EXOSC7: variants seen among roughly 807,000 people sequenced by gnomAD.
The protein encoded by EXOSC7 is exosome component 7, also known as exosome complex component RRP42.
A neutral mutation model predicts 34.3 loss-of-function variants in EXOSC7; 25 were observed. The ratio of observed to expected loss-of-function variants is 0.73; its 90% CI spans 0.53 to 1.02. The LOEUF is 1.02. Among genes scored for constraint, EXOSC7 ranks in the 50% least tolerant of loss-of-function variants. The pLI is 0.00. For synonymous variants in EXOSC7, 130 were observed against 143.0 expected (o/e 0.91, Z 0.65); for missense variants, 370 against 368.5 (o/e 1.00, Z -0.03).
chr3:45,008,298 A>C (rs961874953), intron 7 of EXOSC7, among the ~76,000 whole-genome samples: 26 of 152,192 alleles, frequency 1.7e-4, no homozygotes, highest in African/African-American at 6.3e-4. Context: ...GCAGGATCTG[A>C]TTATTCATAC....
intron 1 of EXOSC7, 78 bp downstream of exon 1, chr3:44,976,412 A>T (rs6441873): frequency 0.46 from 602,151 of 1,316,680 alleles, 141,393 homozygotes; most frequent in East Asian, 0.81. Flanking sequence ...TGGGTTTGCC[A>T]GTGAGGAGGC....
intron 6 of EXOSC7, among the ~76,000 whole-genome samples, chr3:45,006,404 G>GTTTTTT (rs545281987): frequency 4.2e-4 from 26 of 61,678 alleles, no homozygotes; most frequent in Admixed American, 5.1e-4. Flanking sequence ...TTGTTTATTT[G>GTTTTTT]TTTTTTTTTT....
At chr3:45,009,511 T>C (rs1707147594) in intron 7 of EXOSC7, among the ~76,000 whole-genome samples, 2 of 151,926 alleles carry the variant, frequency 1.3e-5, no homozygotes, top group Non-Finnish European at 2.9e-5. Context: ...GATTCAGACT[T>C]TTTTTTCTTT....
intron 5 of EXOSC7, 57 bp downstream of exon 5, chr3:45,001,665 T>C: frequency 1.6e-6 from 2 of 1,245,818 alleles, no homozygotes; most frequent in South Asian, 1.2e-5. Flanking sequence ...CAGACACTTG[T>C]AATGGAACAC....
At chr3:45,002,257 G>A (rs573433198) in intron 5 of EXOSC7, 6 of 152,298 alleles carry the variant, frequency 3.9e-5, no homozygotes, top group East Asian at 3.9e-4. Flanking sequence ...GAGTAAATAC[G>A]TGGGATAGGG....
At position 44,986,365 on chromosome 3, in the gene EXOSC7, C is replaced by T. The variant is rs1481068380; in HGVS notation, c.58-2775C>T. ...CTCACTGCCTGGGGCCAGCTGGCTG[C>T]TCCAGAGTATGGGGCCCGCCTAGCC... On this transcript the variant is annotated intron_variant, in intron 1 of 7. Coordinates refer to ENST00000265564, the MANE Select transcript of EXOSC7 (RefSeq NM_015004.4). Among the ~76,000 whole-genome samples, 3 of 152,344 alleles carry T rather than the reference C, an allele frequency of 2.0e-5. No homozygotes were observed. In the East Asian group the frequency reaches 5.8e-4, roughly 29 times the overall value.
At chr3:44,987,776 A>G (rs987418827) in intron 1 of EXOSC7, among the ~76,000 whole-genome samples, 6 of 152,260 alleles carry the variant, frequency 3.9e-5, no homozygotes, top group Non-Finnish European at 7.3e-5. Context: ...GAAACTGTGT[A>G]TACTAAGATT....
chr3:44,997,754 C>T (rs1706762010), intron 4 of EXOSC7, among the ~76,000 whole-genome samples: 1 of 152,220 alleles, frequency 6.6e-6, no homozygotes, highest in Non-Finnish European at 1.5e-5. Context: ...GTGAGTAGTG[C>T]TGTTGAGTCT....
chr3:45,001,329 G>A (rs1051840070), intron 4 of EXOSC7, among the ~76,000 whole-genome samples: 5 of 151,998 alleles, frequency 3.3e-5, no homozygotes, highest in Non-Finnish European at 7.4e-5. Flanking sequence ...TGTAATCCCA[G>A]CTATTCGGGA....
chr3:44,999,759 T>C (rs1706824102), intron 4 of EXOSC7, among the ~76,000 whole-genome samples: 1 of 152,232 alleles, frequency 6.6e-6, no homozygotes, highest in Non-Finnish European at 1.5e-5. Context: ...GAAAATTGTA[T>C]TATTGATGAG....
chr3:44,986,581 T>C (rs539223327), intron 1 of EXOSC7, among the ~76,000 whole-genome samples: 1 of 152,332 alleles, frequency 6.6e-6, no homozygotes, highest in Non-Finnish European at 1.5e-5. Context: ...CCTCAAGTGC[T>C]GCCAAAGTGG....
intron 3 of EXOSC7, among the ~76,000 whole-genome samples, chr3:44,993,804 TA>T (rs1171603786): frequency 2.0e-5 from 3 of 152,198 alleles, no homozygotes; most frequent in Non-Finnish European, 4.4e-5. Flanking sequence ...CAGCTACAAT[TA>T]CCAGCCTGTG....
chr3:44,988,111 A>G (rs1412119270), intron 1 of EXOSC7, among the ~76,000 whole-genome samples: 2 of 152,216 alleles, frequency 1.3e-5, no homozygotes, highest in African/African-American at 4.8e-5. Flanking sequence ...TTCCCCAATA[A>G]AAGCAACCAG....
At chr3:44,999,645 T>A (rs1329042660) in intron 4 of EXOSC7, among the ~76,000 whole-genome samples, 1 of 151,966 alleles carries the variant, frequency 6.6e-6, no homozygotes, top group Non-Finnish European at 1.5e-5. Flanking sequence ...GCCGAGATGG[T>A]GCCACTGCAC....
At chr3:44,979,531 A>G (rs1052796487) in intron 1 of EXOSC7, among the ~76,000 whole-genome samples, 2 of 152,184 alleles carry the variant, frequency 1.3e-5, no homozygotes, top group Admixed American at 6.5e-5. Flanking sequence ...CGGCTCAAGC[A>G]AAACAGTATG....
chr3:44,987,916 G>A (rs1373047729), intron 1 of EXOSC7, among the ~76,000 whole-genome samples: 1 of 152,264 alleles, frequency 6.6e-6, no homozygotes, highest in East Asian at 1.9e-4. Flanking sequence ...TGATCTATCA[G>A]TATGAACTCT....
chr3:44,979,488 G>C (rs1250713252), intron 1 of EXOSC7, among the ~76,000 whole-genome samples: 1 of 152,176 alleles, frequency 6.6e-6, no homozygotes, highest in Non-Finnish European at 1.5e-5. Context: ...GATGTGTTGA[G>C]GATTCAGTTG....
intron 1 of EXOSC7, among the ~76,000 whole-genome samples, chr3:44,984,599 T>C (rs1027464606): frequency 5.3e-5 from 8 of 152,236 alleles, no homozygotes; most frequent in Non-Finnish European, 1.2e-4. Context: ...CAGTGGACTG[T>C]GTAGCATAGC....
At chr3:45,010,448 T>G (rs1345763705) in intron 7 of EXOSC7, among the ~76,000 whole-genome samples, 4 of 152,184 alleles carry the variant, frequency 2.6e-5, no homozygotes, top group Non-Finnish European at 5.9e-5. Flanking sequence ...GGTTTCACTC[T>G]GTTGCCCAGT....
Sources: allele counts gnomAD v4.1 joint callset (sites outside exome capture counted in the v4.1 genomes callset), GRCh38; gene constraint gnomAD v4.1.1; transcripts MANE v1.5; gene names NCBI Gene and HGNC (gene_info 2026-07-23, HGNC 2026-07-21).